Variants in MBD5 observed in about 807,000 individuals in gnomAD.
MBD5 encodes the protein methyl-CpG-binding domain protein 5.
Under a neutral mutation model 117.3 loss-of-function variants are expected in MBD5, and 13 were observed. The ratio of observed to expected loss-of-function variants is 0.11; its 90% CI spans 0.07 to 0.18. MBD5 has a LOEUF of 0.18. MBD5 is among the 10% of genes least tolerant of loss of function. The pLI is 1.00. For synonymous variants in MBD5, 727 were observed against 766.4 expected (o/e 0.95, Z 0.85); for missense variants, 1,879 against 2,093.8 (o/e 0.90, Z 2.00).
chr2:148,072,512 A>T (rs1256891704), intron 1 of MBD5, among the ~76,000 whole-genome samples: 4 of 152,170 alleles, frequency 2.6e-5, no homozygotes, highest in Non-Finnish European at 5.9e-5. Flanking sequence ...TGAATTATTT[A>T]AGCTTAGAAT....
At chr2:148,210,594 T>G (rs1346531198) in intron 2 of MBD5, among the ~76,000 whole-genome samples, 2 of 152,042 alleles carry the variant, frequency 1.3e-5, no homozygotes, top group African/African-American at 2.4e-5. Context: ...GGGAGCTGCT[T>G]AAATTTAGCT....
At chr2:148,378,300 G>C (rs1704045262) in intron 4 of MBD5, among the ~76,000 whole-genome samples, 1 of 152,072 alleles carries the variant, frequency 6.6e-6, no homozygotes, top group Non-Finnish European at 1.5e-5. Flanking sequence ...AAATTTCAAA[G>C]TTGGCCTGAG....
intron 1 of MBD5, among the ~76,000 whole-genome samples, chr2:148,063,292 T>G (rs1695089858): frequency 6.6e-6 from 1 of 152,180 alleles, no homozygotes. Context: ...TTCATTTTAG[T>G]ATAATTTGCT....
At chr2:148,373,053 CTT>C (rs1212059923) in intron 4 of MBD5, among the ~76,000 whole-genome samples, 1 of 152,008 alleles carries the variant, frequency 6.6e-6, no homozygotes, top group Non-Finnish European at 1.5e-5. Flanking sequence ...TGTGGATAGT[CTT>C]TACCATTTTT....
Position 148,483,916 on chromosome 2 carries a change from A to T in MBD5, c.3325A>T (p.Ile1109Leu). ...ANTANHPEVS[I>L]ATSSQATTTT... The stretch of plus-strand genomic sequence containing the variant: ...CACCGCTAATCATCCAGAGGTTTCC[A>T]TAGCAACCTCCTCCCAGGCAACCAC... Residue 1109 changes from isoleucine (I) to leucine (L), a missense_variant, in exon 9 of 14, where the codon ATA becomes TTA. Coordinates refer to ENST00000642680, the MANE Select transcript of MBD5 (RefSeq NM_001378120.1). 1 of 1,550,548 alleles carries T rather than the reference A, an allele frequency of 6.4e-7. No individual in the cohort carries two copies. The highest frequency in any genetic ancestry group is 8.7e-7 in the Non-Finnish European group (1 of 1,146,968).
chr2:148,228,818 T>A (rs1302930105), intron 2 of MBD5, among the ~76,000 whole-genome samples: 1 of 152,240 alleles, frequency 6.6e-6, no homozygotes, highest in African/African-American at 2.4e-5. Context: ...AGATTCAACT[T>A]CTTCCTGGTT....
intron 3 of MBD5, among the ~76,000 whole-genome samples, chr2:148,338,509 G>A (rs540378567): frequency 1.1e-4 from 16 of 152,242 alleles, no homozygotes; most frequent in South Asian, 2.1e-4. Flanking sequence ...AATAAAGACC[G>A]TATAAAGTGC....
chr2:148,384,206 A>G (rs1339517081), intron 4 of MBD5, among the ~76,000 whole-genome samples: 1 of 152,176 alleles, frequency 6.6e-6, no homozygotes, highest in Non-Finnish European at 1.5e-5. Flanking sequence ...GTATATCTAG[A>G]AAACCCCATC....
At chr2:148,353,384 T>G (rs186736034) in intron 4 of MBD5, among the ~76,000 whole-genome samples, 1 of 152,238 alleles carries the variant, frequency 6.6e-6, no homozygotes, top group Non-Finnish European at 1.5e-5. Flanking sequence ...TAAGCCTCGC[T>G]TCTCTTTCCA....
At chr2:148,445,713 C>T (rs928725433) in intron 4 of MBD5, among the ~76,000 whole-genome samples, 1 of 151,358 alleles carries the variant, frequency 6.6e-6, no homozygotes, top group Non-Finnish European at 1.5e-5. Context: ...AATCGCCACA[C>T]CGACTTCCAC....
chr2:148,140,324 A>G (rs374366418), intron 1 of MBD5, among the ~76,000 whole-genome samples: 89 of 152,256 alleles, frequency 5.8e-4, no homozygotes, highest in African/African-American at 2.1e-3. Context: ...ACTACTACTA[A>G]TTTTAGTTTT....
At chr2:148,247,287 G>C in intron 3 of MBD5, among the ~76,000 whole-genome samples, 1 of 152,098 alleles carries the variant, frequency 6.6e-6, no homozygotes, top group East Asian at 1.9e-4. Flanking sequence ...ATTAATTTTA[G>C]TTCTTAAAGA....
At chr2:148,421,405 G>A (rs11885393) in intron 4 of MBD5, among the ~76,000 whole-genome samples, 39,568 of 152,058 alleles carry the variant, frequency 0.26, 6,200 homozygotes, top group African/African-American at 0.44. Flanking sequence ...CAGATATTGC[G>A]CTTTTCCCAT....
intron 1 of MBD5, among the ~76,000 whole-genome samples, chr2:148,059,663 C>T (rs1339773852): frequency 6.6e-6 from 1 of 151,292 alleles, no homozygotes; most frequent in Non-Finnish European, 1.5e-5. Context: ...CTGGCTAACA[C>T]GGAGAAACCC....
chr2:148,380,082 A>G (rs1465775791), intron 4 of MBD5, among the ~76,000 whole-genome samples: 1 of 152,156 alleles, frequency 6.6e-6, no homozygotes, highest in Non-Finnish European at 1.5e-5. Context: ...ACACCAACCA[A>G]AACAAAACTG....
intron 4 of MBD5, among the ~76,000 whole-genome samples, chr2:148,438,515 G>A (rs1706220924): frequency 6.6e-6 from 1 of 152,160 alleles, no homozygotes; most frequent in Non-Finnish European, 1.5e-5. Context: ...CTTCCACAGT[G>A]TTGTGAGGAA....
At chr2:148,205,473 A>G (rs1699254742) in intron 2 of MBD5, among the ~76,000 whole-genome samples, 1 of 152,242 alleles carries the variant, frequency 6.6e-6, no homozygotes, top group African/African-American at 2.4e-5. Flanking sequence ...AAGGAAAAAT[A>G]GTGAAAAACA....
chr2:148,490,851 T>C (rs1377483375), intron 11 of MBD5: 1 of 493,674 alleles, frequency 2.0e-6, no homozygotes, highest in African/African-American at 1.9e-5. Context: ...AGGAACCAGA[T>C]TTCCAGAATT....
chr2:148,034,641 C>A (rs988090312), intron 1 of MBD5, among the ~76,000 whole-genome samples: 1 of 152,164 alleles, frequency 6.6e-6, no homozygotes, highest in Non-Finnish European at 1.5e-5. Flanking sequence ...AACAAACATT[C>A]TGAGGAACAT....
Sources: allele counts gnomAD v4.1 joint callset (sites outside exome capture counted in the v4.1 genomes callset), GRCh38; gene constraint gnomAD v4.1.1; transcripts MANE v1.5; gene names NCBI Gene and HGNC (gene_info 2026-07-23, HGNC 2026-07-21).